Variants in ELMOD1 observed in about 807,000 individuals in gnomAD.
ELMOD1 encodes the protein ELMO domain containing 1, also known as ELMO domain-containing protein 1.
A neutral mutation model predicts 46.7 loss-of-function variants in ELMOD1; 21 were observed. The observed-to-expected ratio is 0.45, with a 90% CI of 0.32 to 0.65. The LOEUF (loss-of-function observed/expected upper bound fraction) is 0.65. ELMOD1 is among the 30% of genes least tolerant of loss of function. The pLI is 0.04. For missense variants in ELMOD1, 348 were observed against 407.8 expected (o/e 0.85, Z 1.26); for synonymous variants, 122 against 138.2 (o/e 0.88, Z 0.82).
chr11:107,650,965 G>A, intron 9 of ELMOD1, 57 bp downstream of exon 9: 2 of 971,850 alleles, frequency 2.1e-6, no homozygotes, highest in East Asian at 3.6e-5. Context: ...GAATAAGTAT[G>A]GGTAAGAATT....
At chr11:107,622,068 A>G (rs1014059118) in intron 2 of ELMOD1, among the ~76,000 whole-genome samples, 2 of 152,172 alleles carry the variant, frequency 1.3e-5, no homozygotes, top group Non-Finnish European at 2.9e-5. Flanking sequence ...CCAAAGTAAC[A>G]CACCACCTGG....
intron 1 of ELMOD1, among the ~76,000 whole-genome samples, chr11:107,597,728 G>A (rs1212901836): frequency 1.3e-5 from 2 of 152,092 alleles, no homozygotes; most frequent in African/African-American, 4.8e-5. Flanking sequence ...TTTTCCATGT[G>A]TTAGTTATTC....
chr11:107,641,333 A>ATC (rs1462762895), intron 6 of ELMOD1, among the ~76,000 whole-genome samples: 5 of 147,768 alleles, frequency 3.4e-5, no homozygotes, highest in Admixed American at 2.0e-4. Context: ...ATATATATAT[A>ATC]TCTCTAACAG....
At chr11:107,638,859 G>A (rs1311422997) in intron 6 of ELMOD1, among the ~76,000 whole-genome samples, 1 of 152,206 alleles carries the variant, frequency 6.6e-6, no homozygotes, top group Non-Finnish European at 1.5e-5. Context: ...TTTTTACAAA[G>A]TTTGTGCCCA....
chr11:107,600,383 G>A (rs1865576929), intron 1 of ELMOD1: 2 of 151,976 alleles, frequency 1.3e-5, no homozygotes, highest in Non-Finnish European at 2.9e-5. Context: ...CAACAAATTA[G>A]GTCCACTTCA....
intron 6 of ELMOD1, among the ~76,000 whole-genome samples, chr11:107,642,534 A>T (rs1591127943): frequency 6.6e-6 from 1 of 151,414 alleles, no homozygotes; most frequent in African/African-American, 2.4e-5. Flanking sequence ...CACCCAGCTA[A>T]TTTTTTTTGT....
At chr11:107,637,649 C>T (rs946667891) in intron 6 of ELMOD1, among the ~76,000 whole-genome samples, 4 of 151,820 alleles carry the variant, frequency 2.6e-5, no homozygotes, top group Non-Finnish European at 5.9e-5. Context: ...GCCTAGATCG[C>T]ACCACTGCAC....
At chr11:107,612,173 A>G (rs1371450294) in intron 1 of ELMOD1, among the ~76,000 whole-genome samples, 1 of 152,250 alleles carries the variant, frequency 6.6e-6, no homozygotes, top group African/African-American at 2.4e-5. Flanking sequence ...ATAGAATACT[A>G]CACAGCCATA....
intron 1 of ELMOD1, chr11:107,592,027 G>GT (rs1565364864): frequency 2.0e-6 from 1 of 491,840 alleles, no homozygotes; most frequent in Non-Finnish European, 4.3e-6. Flanking sequence ...CGAGTGGGGA[G>GT]TGACAGCTGA....
At chr11:107,628,554 T>C (rs780347724) in intron 2 of ELMOD1, among the ~76,000 whole-genome samples, 9 of 151,650 alleles carry the variant, frequency 5.9e-5, no homozygotes, top group Non-Finnish European at 1.2e-4. Flanking sequence ...TTGTTGTTTT[T>C]TGGGGTGTTT....
intron 5 of ELMOD1, among the ~76,000 whole-genome samples, chr11:107,634,566 TC>T (rs1336466777): frequency 6.6e-6 from 1 of 151,948 alleles, no homozygotes; most frequent in African/African-American, 2.4e-5. Context: ...ATGGCAAAAC[TC>T]CATCTCTATT....
intron 1 of ELMOD1, among the ~76,000 whole-genome samples, chr11:107,610,998 CAA>C (rs58417281): frequency 4.5e-4 from 43 of 95,788 alleles, no homozygotes; most frequent in Non-Finnish European, 7.2e-4. Flanking sequence ...TGTAAGAATC[CAA>C]AAAAAAAAAA....
chr11:107,664,247 A>G (rs1866796930), intron 11 of ELMOD1, among the ~76,000 whole-genome samples: 1 of 135,242 alleles, frequency 7.4e-6, no homozygotes, highest in East Asian at 2.2e-4. Flanking sequence ...ACAAGTATCT[A>G]GTATTAAAAA....
At chr11:107,645,489 A>G (rs181188257) in intron 6 of ELMOD1, among the ~76,000 whole-genome samples, 1 of 151,876 alleles carries the variant, frequency 6.6e-6, no homozygotes, top group African/African-American at 2.4e-5. Flanking sequence ...ACGCCCGGCT[A>G]ATTTTTTGTA....
intron 9 of ELMOD1, 61 bp downstream of exon 9, chr11:107,650,969 A>G: frequency 1.1e-6 from 1 of 949,082 alleles, no homozygotes; most frequent in South Asian, 2.2e-5. Context: ...AAGTATGGGT[A>G]AGAATTTTTT....
At chr11:107,653,728 A>G (rs1316090790) in intron 9 of ELMOD1, 1 of 151,390 alleles carries the variant, frequency 6.6e-6, no homozygotes, top group Non-Finnish European at 1.5e-5. Context: ...TGGCATCTAC[A>G]ATGTACCAGG....
chr11:107,598,825 A>T (rs1181013448), intron 1 of ELMOD1, among the ~76,000 whole-genome samples: 7 of 152,136 alleles, frequency 4.6e-5, no homozygotes, highest in Non-Finnish European at 1.0e-4. Context: ...TAGCCTCCAT[A>T]CCCAGTTCTC....
chr11:107,638,630 C>G (rs972075689), intron 6 of ELMOD1, among the ~76,000 whole-genome samples: 1 of 152,136 alleles, frequency 6.6e-6, no homozygotes, highest in African/African-American at 2.4e-5. Context: ...CCCTTGTTAC[C>G]TACTTCACAG....
intron 1 of ELMOD1, among the ~76,000 whole-genome samples, chr11:107,616,196 A>G (rs897459915): frequency 3.3e-5 from 5 of 151,904 alleles, no homozygotes; most frequent in Non-Finnish European, 5.9e-5. Context: ...GGGTTTTGCC[A>G]TGTTGGCCAG....
Sources: allele counts gnomAD v4.1 joint callset (sites outside exome capture counted in the v4.1 genomes callset), GRCh38; gene constraint gnomAD v4.1.1; transcripts MANE v1.5; gene names NCBI Gene and HGNC (gene_info 2026-07-23, HGNC 2026-07-21).